The following GPC6 variants were observed in gnomAD, a reference collection of about 807,000 sequenced individuals.
The protein encoded by GPC6 is glypican 6.
Under a neutral mutation model 55.2 loss-of-function variants are expected in GPC6, and 14 were observed. That is an observed-to-expected ratio of 0.25 (90% CI 0.17 to 0.40). The LOEUF is 0.40. Ranked by LOEUF, GPC6 falls within the 10% of genes least tolerant of loss-of-function variation. The pLI is 1.00. For synonymous variants in GPC6, 278 were observed against 259.6 expected (o/e 1.07, Z -0.68); for missense variants, 641 against 708.5 (o/e 0.90, Z 1.08).
intron 7 of GPC6, among the ~76,000 whole-genome samples, chr13:94,389,251 A>G (rs1347647597): frequency 1.3e-5 from 2 of 152,166 alleles, no homozygotes; most frequent in African/African-American, 4.8e-5. Flanking sequence ...TAGGCCTCCC[A>G]AAGTTCCTGG....
At chr13:94,246,847 T>C (rs1208715292) in intron 4 of GPC6, among the ~76,000 whole-genome samples, 1 of 152,078 alleles carries the variant, frequency 6.6e-6, no homozygotes, top group African/African-American at 2.4e-5. Context: ...GTTGTGGCTA[T>C]TTAGGGTCTT....
At chr13:93,682,907 A>G (rs943217197) in intron 2 of GPC6, among the ~76,000 whole-genome samples, 1 of 151,476 alleles carries the variant, frequency 6.6e-6, no homozygotes, top group Admixed American at 6.6e-5. Flanking sequence ...AATCCTAGCT[A>G]CTTGGGAGGC....
intron 1 of GPC6, among the ~76,000 whole-genome samples, chr13:93,324,088 A>G (rs2139126751): frequency 1.3e-5 from 2 of 152,330 alleles, no homozygotes; most frequent in South Asian, 4.1e-4. Context: ...TGGTACATAT[A>G]CATAGTGGAG....
chr13:93,348,751 G>A (rs1429781097), intron 1 of GPC6, among the ~76,000 whole-genome samples: 2 of 152,096 alleles, frequency 1.3e-5, no homozygotes, highest in Non-Finnish European at 2.9e-5. Context: ...AAAACATTCT[G>A]TCATACTAAC....
chr13:94,212,429 A>G (rs1890107197), intron 4 of GPC6, among the ~76,000 whole-genome samples: 1 of 152,194 alleles, frequency 6.6e-6, no homozygotes, highest in South Asian at 2.1e-4. Context: ...ATTACATACC[A>G]CATACAAATA....
intron 4 of GPC6, among the ~76,000 whole-genome samples, chr13:94,246,558 A>G (rs552477779): frequency 7.4e-4 from 113 of 152,186 alleles, no homozygotes; most frequent in African/African-American, 2.5e-3. Flanking sequence ...TAAGGGTCCA[A>G]TTTCCTTCTT....
chr13:94,403,239 A>G lies in GPC6; in HGVS notation c.*22A>G, dbSNP rs751143307. The stretch of plus-strand genomic sequence containing the variant: ...ATAATCTTGGGTTTTTGGTCAGATG[A>G]AACTGCATTTTAGCTATCTGAATGG... On this transcript the variant is annotated 3_prime_UTR_variant, in exon 9 of 9. Coordinates refer to ENST00000377047, the MANE Select transcript of GPC6 (RefSeq NM_005708.5). 29 of 1,545,538 alleles carry G rather than the reference A, an allele frequency of 1.9e-5. No homozygotes were observed. Among genetic ancestry groups the G allele is most frequent in the Admixed American group, 1.3e-4 (8 of 59,862 alleles).
chr13:93,518,113 G>T (rs1881272283), intron 1 of GPC6, among the ~76,000 whole-genome samples: 1 of 151,822 alleles, frequency 6.6e-6, no homozygotes, highest in Non-Finnish European at 1.5e-5. Flanking sequence ...GGGATACAAA[G>T]TTGATTCTTT....
At chr13:93,860,598 G>A (rs1435990862) in intron 3 of GPC6, among the ~76,000 whole-genome samples, 1 of 151,562 alleles carries the variant, frequency 6.6e-6, no homozygotes, top group Non-Finnish European at 1.5e-5. Context: ...CATCATCCTT[G>A]GATGTGATGA....
At chr13:93,640,624 G>A (rs971104669) in intron 2 of GPC6, among the ~76,000 whole-genome samples, 36 of 151,828 alleles carry the variant, frequency 2.4e-4, no homozygotes, top group Middle Eastern at 3.4e-3. Context: ...CCACTTGTTG[G>A]GGAGAAAAGA....
chr13:93,460,566 AAATT>A (rs1878640301), intron 1 of GPC6, among the ~76,000 whole-genome samples: 1 of 152,304 alleles, frequency 6.6e-6, no homozygotes, highest in Admixed American at 6.5e-5. Context: ...GCACTAATAT[AAATT>A]AATATTAGCA....
In GPC6 at chr13:94,105,048, G is replaced by A. The variant is rs551510853; in HGVS notation, c.877+77154G>A. ...AAAAGAACAAAGCTGGAGGCATCAC[G>A]CTACCTGACTTCTAGATTTTTAATT... is the stretch of plus-strand genomic sequence containing the variant. On this transcript the variant is annotated intron_variant, in intron 4 of 8. Coordinates refer to ENST00000377047, the MANE Select transcript of GPC6 (RefSeq NM_005708.5). Among the ~76,000 whole-genome samples, 4 of 152,192 alleles carry A rather than the reference G, an allele frequency of 2.6e-5. No homozygotes were observed. In the East Asian group the frequency reaches 7.7e-4, roughly 29 times the overall value.
At chr13:93,496,504 G>T (rs1321428396) in intron 1 of GPC6, among the ~76,000 whole-genome samples, 2 of 152,154 alleles carry the variant, frequency 1.3e-5, no homozygotes, top group Admixed American at 6.5e-5. Flanking sequence ...CTGTAGACCG[G>T]AGCTGTTCCT....
Position 93,276,458 on chromosome 13 carries a change from CAGAGAGAGAGAG to C in GPC6, c.160+48869_160+48880del, listed in dbSNP as rs144297308. Reference sequence around the variant, plus strand: ...GAAATGGCAGAAGCTCTGGCCTTTTCAGAGAGAGAGAGAGAGAGAGAGAGAGAGAGAGAGAGA... The same window carrying C: ...GAAATGGCAGAAGCTCTGGCCTTTTCAGAGAGAGAGAGAGAGAGAGAGAGA... On this transcript the variant is annotated intron_variant, in intron 1 of 8. Coordinates refer to ENST00000377047, the MANE Select transcript of GPC6 (RefSeq NM_005708.5). Among the ~76,000 whole-genome samples the C allele has an allele frequency of 6.6e-3, 780 of 117,520 alleles. 5 individuals carry two copies. The highest frequency in any genetic ancestry group is 0.023 in the African/African-American group (699 of 30,728). 77.1% of individuals were successfully genotyped at this position (117,520 alleles called of 152,430 possible).
In GPC6 at chr13:94,404,776, A is replaced by G. The variant is rs1881301041; in HGVS notation, c.*1559A>G. The G allele has an allele frequency of 6.6e-6, 1 of 152,228 alleles. No homozygotes were observed. The highest frequency in any genetic ancestry group is 1.5e-5 in the Non-Finnish European group (1 of 68,034). The allele number at this position is 152,228 out of a possible 1,614,324, so 9.4% of individuals were successfully genotyped here. On this transcript the variant is annotated 3_prime_UTR_variant, in exon 9 of 9. Transcript: ENST00000377047. ...GGATTCCTGCCTGGCACTTGGATACATTACCTAACTCAATAGGCCAGTTTA... is the reference window on the plus strand; with the variant it reads ...GGATTCCTGCCTGGCACTTGGATACGTTACCTAACTCAATAGGCCAGTTTA...
At chr13:93,952,895 ATACGTG>A in intron 3 of GPC6, among the ~76,000 whole-genome samples, 1 of 146,990 alleles carries the variant, frequency 6.8e-6, no homozygotes, top group South Asian at 2.1e-4. Flanking sequence ...TGTGTGATAT[ATACGTG>A]TATATATGTA....
At chr13:94,325,023 G>T (rs778043072) in intron 6 of GPC6, among the ~76,000 whole-genome samples, 1 of 152,052 alleles carries the variant, frequency 6.6e-6, no homozygotes, top group Admixed American at 6.6e-5. Flanking sequence ...TTCTATTGCC[G>T]TCAAAGGTCA....
At position 94,234,516 on chromosome 13, in the gene GPC6, T is replaced by TA. The variant is rs1890818878; in HGVS notation, c.878-51833_878-51832insA. On this transcript the variant is annotated intron_variant, in intron 4 of 8. Transcript: ENST00000377047. The stretch of plus-strand genomic sequence containing the variant: ...GGCCGTTCTTTTGTTTGCTTTTTTT[T>TA]TTTTTTTGCAATATCACTTTACTGT... Among the ~76,000 whole-genome samples, 2 of 151,034 alleles carry TA rather than the reference T, an allele frequency of 1.3e-5. 1 individual carries two copies. Among genetic ancestry groups the TA allele is most frequent in the South Asian group, 4.2e-4 (2 of 4,800 alleles).
intron 1 of GPC6, among the ~76,000 whole-genome samples, chr13:93,489,198 G>T (rs1310472853): frequency 3.3e-5 from 5 of 151,486 alleles, no homozygotes; most frequent in African/African-American, 1.2e-4. Context: ...TGGCTAGCCA[G>T]TTTTCCCAGT....
Sources: gnomAD v4.1 joint callset for allele counts (sites outside exome capture counted in the v4.1 genomes callset) on GRCh38, gnomAD v4.1.1 for gene constraint, MANE v1.5 for transcripts, NCBI Gene and HGNC (gene_info 2026-07-23, HGNC 2026-07-21) for gene names.